Variants in AFG1L observed in about 807,000 individuals in gnomAD.
The protein encoded by AFG1L is AFG1 like ATPase.
In AFG1L, 53 loss-of-function variants were observed where a neutral mutation model predicts 62.2. The ratio of observed to expected loss-of-function variants is 0.85; its 90% CI spans 0.68 to 1.07. The LOEUF (loss-of-function observed/expected upper bound fraction) is 1.07. Ranked by LOEUF, AFG1L falls within the 50% of genes least tolerant of loss-of-function variation. The pLI, the probability that AFG1L is intolerant of heterozygous loss-of-function variation, is 0.00. For missense variants in AFG1L, 555 were observed against 590.5 expected, an observed-to-expected ratio of 0.94 and a Z score of 0.62; for synonymous variants, 228 against 210.3, an observed-to-expected ratio of 1.08 and a Z score of -0.73.
chr6:108,467,058 C>T lies in AFG1L; in HGVS notation c.891-9807C>T, dbSNP rs2114792006. On this transcript the variant is annotated intron_variant, in intron 8 of 12. Coordinates refer to ENST00000368977, the MANE Select transcript of AFG1L (RefSeq NM_145315.5). Reference sequence around the variant, plus strand: ...TGAAGCAATATGTACTTATGCCCAGCTTGAAATTGATTTAGGATGCACTCT... The same window carrying T: ...TGAAGCAATATGTACTTATGCCCAGTTTGAAATTGATTTAGGATGCACTCT... 2.0e-5 allele frequency among the ~76,000 whole-genome samples: 3 copies of T among 152,068 alleles called. 1 individual carries two copies. In the Middle Eastern group the frequency reaches 0.01, roughly 517 times the overall value.
At chr6:108,520,070 TGGA>T in intron 12 of AFG1L, 1 of 268,380 alleles carries the variant, frequency 3.7e-6, no homozygotes, top group South Asian at 4.8e-5. Context: ...CCCACGGAGG[TGGA>T]CTAAGGTGCC....
intron 11 of AFG1L, among the ~76,000 whole-genome samples, chr6:108,518,909 C>A (rs959037778): frequency 6.6e-6 from 1 of 152,224 alleles, no homozygotes; most frequent in Non-Finnish European, 1.5e-5. Context: ...GCGTAACTAA[C>A]CTCTTTACAG....
At chr6:108,361,293 G>T (rs1275057877) in intron 5 of AFG1L, among the ~76,000 whole-genome samples, 1 of 152,180 alleles carries the variant, frequency 6.6e-6, no homozygotes, top group Non-Finnish European at 1.5e-5. Flanking sequence ...GCAGACCCTG[G>T]TTCTTCAGAT....
chr6:108,303,516 C>G (rs1028011783), intron 1 of AFG1L, among the ~76,000 whole-genome samples: 22 of 152,188 alleles, frequency 1.4e-4, no homozygotes, highest in African/African-American at 4.8e-4. Flanking sequence ...TACTCCTTGC[C>G]TGGAGATACC....
intron 1 of AFG1L, among the ~76,000 whole-genome samples, chr6:108,317,792 A>T (rs1350211393): frequency 6.6e-6 from 1 of 152,220 alleles, no homozygotes; most frequent in Non-Finnish European, 1.5e-5. Context: ...TCCTAAAGTT[A>T]GCTTGGCCTG....
intron 7 of AFG1L, among the ~76,000 whole-genome samples, chr6:108,407,204 A>G (rs1169110012): frequency 6.6e-6 from 1 of 151,980 alleles, no homozygotes; most frequent in Non-Finnish European, 1.5e-5. Flanking sequence ...AGGTGGAGCT[A>G]CAGTTTTTCT....
Position 108,411,427 on chromosome 6 carries a change from C to T in AFG1L, c.807+9373C>T, listed in dbSNP as rs150778098. On this transcript the variant is annotated intron_variant, in intron 7 of 12. Transcript: ENST00000368977. ...CAAGAGAGTAGGGGTTCTCCCAGCACGGAGTTTGAGATCTGAGAATGGACA... is the reference window on the plus strand; with the variant it reads ...CAAGAGAGTAGGGGTTCTCCCAGCATGGAGTTTGAGATCTGAGAATGGACA... Among the ~76,000 whole-genome samples the T allele has an allele frequency of 5.6e-4, 86 of 152,254 alleles. 1 individual carries two copies. Among genetic ancestry groups the T allele is most frequent in the African/African-American group, 1.9e-3 (77 of 41,566 alleles).
chr6:108,318,351 C>A, intron 1 of AFG1L: 1 of 391,940 alleles, frequency 2.6e-6, no homozygotes. Context: ...ATAAGAGATG[C>A]AAGCATTTTG....
At chr6:108,495,297 A>G (rs191762619) in intron 10 of AFG1L, among the ~76,000 whole-genome samples, 2 of 152,350 alleles carry the variant, frequency 1.3e-5, no homozygotes, top group East Asian at 3.9e-4. Context: ...ATGAACAGCT[A>G]TCAGCGTATT....
intron 7 of AFG1L, among the ~76,000 whole-genome samples, chr6:108,404,892 G>T (rs1781784882): frequency 6.6e-6 from 1 of 151,734 alleles, no homozygotes; most frequent in South Asian, 2.1e-4. Context: ...ACCACACCAG[G>T]CTAATTTTTG....
intron 6 of AFG1L, among the ~76,000 whole-genome samples, chr6:108,396,530 G>A (rs910781052): frequency 2.0e-5 from 3 of 151,460 alleles, no homozygotes; most frequent in Non-Finnish European, 4.4e-5. Context: ...TCACTCTTTC[G>A]CTCAGGCTGG....
intron 7 of AFG1L, among the ~76,000 whole-genome samples, chr6:108,415,603 C>T (rs1333297554): frequency 3.3e-5 from 5 of 152,132 alleles, no homozygotes; most frequent in African/African-American, 7.2e-5. Context: ...ATAGAGCCCC[C>T]GGGAATAATT....
At chr6:108,473,651 G>A (rs373276203) in intron 8 of AFG1L, among the ~76,000 whole-genome samples, 36 of 152,216 alleles carry the variant, frequency 2.4e-4, no homozygotes, top group African/African-American at 7.0e-4. Flanking sequence ...TGCGCCTCCC[G>A]GGTTCAAGCG....
chr6:108,384,917 A>G (rs1158736404), intron 6 of AFG1L, among the ~76,000 whole-genome samples: 5 of 152,198 alleles, frequency 3.3e-5, no homozygotes, highest in African/African-American at 1.2e-4. Context: ...GAAAAGAAAC[A>G]GAGCATTAGG....
At chr6:108,369,598 C>CTTTTTTTAGGTCACAATT (rs1309662954) in intron 6 of AFG1L, among the ~76,000 whole-genome samples, 5 of 151,794 alleles carry the variant, frequency 3.3e-5, no homozygotes, top group African/African-American at 1.2e-4. Context: ...ATGCGTTCAA[C>CTTTTTTTAGGTCACAATT]TTTTTTTAGG....
intron 12 of AFG1L, 175 bp downstream of exon 12, chr6:108,519,985 T>G (rs1775062317): frequency 2.3e-6 from 1 of 435,380 alleles, no homozygotes; most frequent in Non-Finnish European, 4.1e-6. Context: ...ATATAGAAAA[T>G]TATAAACTTA....
At chr6:108,385,698 G>T (rs1315393314) in intron 6 of AFG1L, among the ~76,000 whole-genome samples, 2 of 152,146 alleles carry the variant, frequency 1.3e-5, no homozygotes, top group Non-Finnish European at 2.9e-5. Context: ...GCTGGTCTCT[G>T]CATGGAGGAG....
chr6:108,494,775 CTT>C (rs757204340), intron 10 of AFG1L, among the ~76,000 whole-genome samples: 4 of 142,242 alleles, frequency 2.8e-5, no homozygotes, highest in Admixed American at 7.1e-5. Flanking sequence ...CTTTTCTTTT[CTT>C]TTTTTTTTTT....
chr6:108,365,236 A>G (rs1190619104), intron 5 of AFG1L, among the ~76,000 whole-genome samples: 5 of 152,158 alleles, frequency 3.3e-5, no homozygotes, highest in Non-Finnish European at 4.4e-5. Context: ...ATTGATGTCA[A>G]TCTTCATTAC....
Sources: gnomAD v4.1 joint callset for allele counts (sites outside exome capture counted in the v4.1 genomes callset) on GRCh38, gnomAD v4.1.1 for gene constraint, MANE v1.5 for transcripts, NCBI Gene and HGNC (gene_info 2026-07-23, HGNC 2026-07-21) for gene names.